Variants in MCFD2 observed in about 807,000 individuals in gnomAD.
MCFD2 encodes the protein multiple coagulation factor deficiency protein 2.
Under a neutral mutation model 12.8 loss-of-function variants are expected in MCFD2, and 11 were observed. That is an observed-to-expected ratio of 0.86 (90% CI 0.54 to 1.42). The LOEUF is 1.42. MCFD2 is among the 40% of genes most tolerant of loss of function. MCFD2 has a pLI of 0.00. For missense variants in MCFD2, 191 were observed against 178.6 expected (o/e 1.07, Z -0.40); for synonymous variants, 70 against 68.1 (o/e 1.03, Z -0.14).
chr2:46,936,563 C>A (rs1360729716), intron 1 of MCFD2, among the ~76,000 whole-genome samples: 1 of 152,182 alleles, frequency 6.6e-6, no homozygotes, highest in African/African-American at 2.4e-5. Context: ...TGTCAGCTCA[C>A]CATTCGCAGA....
In MCFD2 at chr2:46,907,469, C is replaced by G. The variant is rs892843679; in HGVS notation, c.309+341G>C. 6.8e-5 allele frequency: 24 copies of G among 355,056 alleles called. No individual in the cohort carries two copies. Among genetic ancestry groups the G allele is most frequent in the African/African-American group, 4.9e-4 (23 of 47,252 alleles). The allele number at this position is 355,056 out of a possible 1,614,324, so 22.0% of individuals were successfully genotyped here. ...GCATGATTATGGCTCACTATAGCCTCGACATCCTGGACTCAAGCAATCCTC... is the reference window on the plus strand; with the variant it reads ...GCATGATTATGGCTCACTATAGCCTGGACATCCTGGACTCAAGCAATCCTC... On this transcript the variant is annotated intron_variant, in intron 3 of 3. Coordinates refer to ENST00000319466, the MANE Select transcript of MCFD2 (RefSeq NM_139279.6). This position sits in a 1 kb window ranked among gnomAD's most constrained non-coding sequence, Gnocchi z 4.1.
At chr2:46,926,927 A>G (rs1332139020) in intron 1 of MCFD2, among the ~76,000 whole-genome samples, 10 of 152,234 alleles carry the variant, frequency 6.6e-5, no homozygotes, top group Admixed American at 6.5e-4. Flanking sequence ...GTAACAAAAC[A>G]TTAGAAAAAA....
chr2:46,923,086 G>T (rs1669190254), intron 1 of MCFD2, among the ~76,000 whole-genome samples: 1 of 152,230 alleles, frequency 6.6e-6, no homozygotes, highest in South Asian at 2.1e-4. Context: ...TGTCCCCATG[G>T]AGTTGGAGTG....
intron 1 of MCFD2, among the ~76,000 whole-genome samples, chr2:46,927,884 G>GTTTTTTTTTTTT (rs566447236): frequency 4.1e-5 from 3 of 73,322 alleles, no homozygotes; most frequent in Non-Finnish European, 7.8e-5. Context: ...TTTTTTTGGT[G>GTTTTTTTTTTTT]TTTTTTTTTT....
In MCFD2 at chr2:46,941,713, T is replaced by TC; in HGVS notation, c.-150_-149insG. 3 of 1,550,390 alleles carry TC rather than the reference T, an allele frequency of 1.9e-6. No homozygotes were observed. The highest frequency in any genetic ancestry group is 2.6e-6 in the Non-Finnish European group (3 of 1,147,182). On this transcript the variant is annotated 5_prime_UTR_variant, in exon 1 of 3. Transcript: ENST00000409147. This position sits in a 1 kb window ranked among gnomAD's most constrained non-coding sequence, Gnocchi z 4.2. ...AGGCAGCCCGAGCGCAGCGTTCACC[T>TC]TTCCGGACACCGGTGAGTAAGGGAA...
At chr2:46,910,420 G>A (rs141093026) in intron 1 of MCFD2, among the ~76,000 whole-genome samples, 8 of 152,300 alleles carry the variant, frequency 5.3e-5, no homozygotes, top group African/African-American at 1.9e-4. Flanking sequence ...AGATAACAAG[G>A]CCAGGGATTT....
In MCFD2 at chr2:46,941,482, C is replaced by T. The variant is rs1670368719; in HGVS notation, c.-8+90G>A. ...CCGCGAGTGCGCCCCAGCCAGGACGCCGCCCCCGGCCGGGTCTCCACTTCT... is the reference window on the plus strand; with the variant it reads ...CCGCGAGTGCGCCCCAGCCAGGACGTCGCCCCCGGCCGGGTCTCCACTTCT... On this transcript the variant is annotated intron_variant, in intron 1 of 2. Transcript: ENST00000409147. This position sits in a 1 kb window ranked among gnomAD's most constrained non-coding sequence, Gnocchi z 4.2. 4.6e-6 allele frequency: 7 copies of T among 1,518,554 alleles called. No individual in the cohort carries two copies. The Admixed American group carries it at 8.1e-5, about 18-fold the overall frequency. The allele number at this position is 1,518,554 out of a possible 1,614,324, so 94.1% of individuals were successfully genotyped here.
chr2:46,919,739 T>C (rs756310225), upstream of MCFD2, among the ~76,000 whole-genome samples: 3 of 152,234 alleles, frequency 2.0e-5, no homozygotes, highest in Non-Finnish European at 4.4e-5. Flanking sequence ...GTGTGCGTTC[T>C]GCACAAGTAG....
At position 46,937,802 on chromosome 2, in the gene MCFD2, G is replaced by A. The variant is rs1234757447; in HGVS notation, c.-8+3770C>T. On this transcript the variant is annotated intron_variant, in intron 1 of 2. Transcript: ENST00000409147. This position sits in a 1 kb window ranked among gnomAD's most constrained non-coding sequence, Gnocchi z 4.0. ...GAAGGGGTTTGGGGAAGCTGTGAAC[G>A]TTAGTCAAGGTCTTTTGGAGGCTAT... is the stretch of plus-strand genomic sequence containing the variant. Among the ~76,000 whole-genome samples the A allele has an allele frequency of 2.6e-5, 4 of 152,228 alleles. No homozygotes were observed. The highest frequency in any genetic ancestry group is 4.8e-5 in the African/African-American group (2 of 41,466).
At chr2:46,934,553 T>A (rs1669869185) in intron 1 of MCFD2, among the ~76,000 whole-genome samples, 1 of 152,060 alleles carries the variant, frequency 6.6e-6, no homozygotes, top group Admixed American at 6.6e-5. Context: ...GCATTACAGG[T>A]GTGAGCCACC....
upstream of MCFD2, among the ~76,000 whole-genome samples, chr2:46,918,884 G>A (rs745461190): frequency 6.6e-6 from 1 of 152,236 alleles, no homozygotes; most frequent in African/African-American, 2.4e-5. Flanking sequence ...CTAGGTAAGA[G>A]AGGATCTCTT....
In MCFD2 at chr2:46,903,076, G is replaced by A. The variant is rs1668076667; in HGVS notation, c.*2387C>T. ...CTCCCAGAATTCCCACGTGTTGTGG[G>A]ACAGACCCAGGGGGAGGTAATTGAA... On this transcript the variant is annotated 3_prime_UTR_variant, in exon 4 of 4. Coordinates refer to ENST00000319466, the MANE Select transcript of MCFD2 (RefSeq NM_139279.6). 1 of 152,186 alleles carries A rather than the reference G, an allele frequency of 6.6e-6. No individual in the cohort carries two copies. Among genetic ancestry groups the A allele is most frequent in the Non-Finnish European group, 1.5e-5 (1 of 68,066 alleles). The allele number at this position is 152,186 out of a possible 1,614,324, so 9.4% of individuals were successfully genotyped here.
At position 46,931,692 on chromosome 2, in the gene MCFD2, TAATA is replaced by T. The variant is rs10524721; in HGVS notation, c.-8+9876_-8+9879del. ...TGGGGGAAAAAACAAAAACAGACAA[TAATA>T]AATAAATAAATAAATAAATAAATAA... On this transcript the variant is annotated intron_variant, in intron 1 of 2. Coordinates refer to the MCFD2 transcript ENST00000409147. Among the ~76,000 whole-genome samples, 1,103 of 148,632 alleles carry T rather than the reference TAATA, an allele frequency of 7.4e-3. 18 individuals are homozygous for T. The highest frequency in any genetic ancestry group is 0.025 in the Admixed American group (371 of 14,904).
chr2:46,913,633 G>C (rs1009758096), intron 1 of MCFD2: 1 of 152,320 alleles, frequency 6.6e-6, no homozygotes, highest in Non-Finnish European at 1.5e-5. Context: ...AATTATAAAG[G>C]CCAGGCTGAA....
chr2:46,908,384 C>G lies in MCFD2; in HGVS notation c.150-415G>C. The G allele has an allele frequency of 6.5e-6, 2 of 307,898 alleles. No individual in the cohort carries two copies. Among genetic ancestry groups the G allele is most frequent in the South Asian group, 2.9e-5 (1 of 33,950 alleles). The allele number at this position is 307,898 out of a possible 1,614,324, so 19.1% of individuals were successfully genotyped here. The stretch of plus-strand genomic sequence containing the variant: ...CAGTTGATTCTCCCACTTCAGCCCC[C>G]CAAGTAGCTGGGACCATAGGCATGT... On this transcript the variant is annotated intron_variant, in intron 2 of 3. Transcript: ENST00000319466. This position sits in a 1 kb window ranked among gnomAD's most constrained non-coding sequence, Gnocchi z 4.5.
rs981195902 is a variant in MCFD2, at chr2:46,907,526, G to C, written c.309+284C>G. 2 of 415,302 alleles carry C rather than the reference G, an allele frequency of 4.8e-6. No individual in the cohort carries two copies. The highest frequency in any genetic ancestry group is 9.1e-6 in the Non-Finnish European group (2 of 219,818). The allele number at this position is 415,302 out of a possible 1,614,324, so 25.7% of individuals were successfully genotyped here. A position where few individuals can be genotyped will look rare whatever the true frequency, so the allele number is the denominator to read the frequency against. ...TAGCCTCCTGAGTACGTAGAACTACGGGCATGCACTACCAGGCCTGGCTAA... is the reference window on the plus strand; with the variant it reads ...TAGCCTCCTGAGTACGTAGAACTACCGGCATGCACTACCAGGCCTGGCTAA... On this transcript the variant is annotated intron_variant, in intron 3 of 3. Transcript: ENST00000319466. The surrounding 1 kb of genome is among the most constrained non-coding windows in gnomAD (Gnocchi z 4.1).
Position 46,908,321 on chromosome 2 carries a change from C to T in MCFD2, c.150-352G>A, listed in dbSNP as rs889664851. 118 of 343,544 alleles carry T rather than the reference C, an allele frequency of 3.4e-4. 1 individual carries two copies. Among genetic ancestry groups the T allele is most frequent in the South Asian group, 2.7e-3 (112 of 41,112 alleles). The allele number at this position is 343,544 out of a possible 1,614,324, so 21.3% of individuals were successfully genotyped here. Reference sequence around the variant, plus strand: ...TGCCACCCAGGCTGGAGTGCAGGAGCGTGATCTTGGCTCATTGTAGCCTCA... The same window carrying T: ...TGCCACCCAGGCTGGAGTGCAGGAGTGTGATCTTGGCTCATTGTAGCCTCA... On this transcript the variant is annotated intron_variant, in intron 2 of 3. Transcript: ENST00000319466. This position sits in a 1 kb window ranked among gnomAD's most constrained non-coding sequence, Gnocchi z 4.5.
intron 1 of MCFD2, among the ~76,000 whole-genome samples, chr2:46,938,038 C>CT (rs1266924610): frequency 6.6e-6 from 1 of 152,056 alleles, no homozygotes; most frequent in Non-Finnish European, 1.5e-5. Context: ...ACTCTTTTCT[C>CT]TTTTTGTGAA....
At chr2:46,914,461 C>T (rs1668615410) in intron 1 of MCFD2, among the ~76,000 whole-genome samples, 1 of 152,168 alleles carries the variant, frequency 6.6e-6, no homozygotes, top group African/African-American at 2.4e-5. Flanking sequence ...AACCAACTTC[C>T]TAAGCTAAAG....
Sources: allele counts gnomAD v4.1 joint callset (sites outside exome capture counted in the v4.1 genomes callset), GRCh38; gene constraint gnomAD v4.1.1; non-coding constraint Gnocchi (gnomAD v3.1); transcripts MANE v1.5; gene names NCBI Gene and HGNC (gene_info 2026-07-23, HGNC 2026-07-21).